The following NRXN1 variants were observed in gnomAD, a reference collection of about 807,000 sequenced individuals.
NRXN1 encodes neurexin-1.
Under a neutral mutation model 150.9 loss-of-function variants are expected in NRXN1, and 39 were observed. That is an observed-to-expected ratio of 0.26 (90% CI 0.20 to 0.34). NRXN1 has a LOEUF of 0.34. NRXN1 is among the 10% of genes least tolerant of loss of function. The pLI, the probability that NRXN1 is intolerant of heterozygous loss-of-function variation, is 1.00. For synonymous variants in NRXN1, 924 were observed against 757.0 expected, an observed-to-expected ratio of 1.22 and a Z score of -3.62; for missense variants, 1,815 against 1,949.9, an observed-to-expected ratio of 0.93 and a Z score of 1.30.
intron 22 of NRXN1, among the ~76,000 whole-genome samples, chr2:49,937,467 G>A (rs766020673): frequency 6.6e-6 from 1 of 152,182 alleles, no homozygotes; most frequent in Non-Finnish European, 1.5e-5. Flanking sequence ...AATGATGTGT[G>A]ATAAATCTCT....
chr2:50,102,742 G>A (rs951116509), intron 18 of NRXN1, among the ~76,000 whole-genome samples: 1 of 151,984 alleles, frequency 6.6e-6, no homozygotes, highest in Non-Finnish European at 1.5e-5. Flanking sequence ...GCATTTTCCA[G>A]GCAGAGAAAA....
At chr2:50,884,250 T>C (rs985120210) in intron 5 of NRXN1, among the ~76,000 whole-genome samples, 1 of 151,832 alleles carries the variant, frequency 6.6e-6, no homozygotes, top group East Asian at 1.9e-4. Flanking sequence ...GGACATATTG[T>C]TTGGTAAATG....
intron 18 of NRXN1, among the ~76,000 whole-genome samples, chr2:50,200,528 A>AGAT: frequency 6.6e-6 from 1 of 152,292 alleles, no homozygotes; most frequent in South Asian, 2.1e-4. Context: ...ACAAGGCTGC[A>AGAT]GATAGCGACA....
At chr2:50,722,527 G>C (rs1696806505) in intron 5 of NRXN1, among the ~76,000 whole-genome samples, 1 of 152,022 alleles carries the variant, frequency 6.6e-6, no homozygotes, top group Non-Finnish European at 1.5e-5. Context: ...TAGACAAGCA[G>C]GCTGTAAAAT....
intron 17 of NRXN1, among the ~76,000 whole-genome samples, chr2:50,293,422 T>A (rs1392234969): frequency 1.3e-5 from 2 of 152,150 alleles, no homozygotes; most frequent in Admixed American, 6.5e-5. Flanking sequence ...ACCCTGTCCA[T>A]GATAGACTAC....
intron 5 of NRXN1, among the ~76,000 whole-genome samples, chr2:50,776,549 CTT>C (rs1324003837): frequency 6.6e-6 from 1 of 151,352 alleles, no homozygotes; most frequent in Non-Finnish European, 1.5e-5. Context: ...AATTGAAACA[CTT>C]TAACAAAATC....
intron 5 of NRXN1, chr2:50,918,793 A>G (rs1278300462): frequency 7.2e-6 from 2 of 278,798 alleles, no homozygotes; most frequent in Non-Finnish European, 1.3e-5. Context: ...GAATAAAATT[A>G]GCATTATCAA....
At chr2:50,219,982 A>G (rs1260497469) in intron 18 of NRXN1, among the ~76,000 whole-genome samples, 3 of 48,918 alleles carry the variant, frequency 6.1e-5, no homozygotes, top group African/African-American at 2.0e-4. Context: ...TATAATATAT[A>G]TATTATATAT....
intron 18 of NRXN1, among the ~76,000 whole-genome samples, chr2:50,163,231 T>C (rs1355553937): frequency 6.6e-6 from 1 of 150,670 alleles, no homozygotes; most frequent in Non-Finnish European, 1.5e-5. Context: ...GAAACTAACA[T>C]GAATTTCCAA....
At chr2:50,739,181 A>G in intron 5 of NRXN1, 1 of 393,170 alleles carries the variant, frequency 2.5e-6, no homozygotes, top group Non-Finnish European at 5.2e-6. Flanking sequence ...ACAAATCCTT[A>G]TGATTATGGA....
chr2:50,818,992 T>C (rs1046690600), intron 5 of NRXN1, among the ~76,000 whole-genome samples: 1 of 152,094 alleles, frequency 6.6e-6, no homozygotes, highest in Admixed American at 6.6e-5. Flanking sequence ...AACCGACACC[T>C]GTTACGATGG....
At chr2:50,830,029 A>AAAAAAAAAAC in intron 5 of NRXN1, among the ~76,000 whole-genome samples, 1 of 128,560 alleles carries the variant, frequency 7.8e-6, no homozygotes, top group African/African-American at 2.8e-5. Flanking sequence ...AAAAAAAAAA[A>AAAAAAAAAAC]AGCTCATTTC....
At chr2:50,905,912 C>T (rs756290772) in intron 5 of NRXN1, among the ~76,000 whole-genome samples, 5 of 151,982 alleles carry the variant, frequency 3.3e-5, no homozygotes, top group Non-Finnish European at 5.9e-5. Flanking sequence ...AATAACTTCC[C>T]CAATATTGCT....
chr2:50,514,386 G>C lies in NRXN1; in HGVS notation c.2375-7769C>G, dbSNP rs554974656. On this transcript the variant is annotated intron_variant, in intron 12 of 22. Coordinates refer to ENST00000401669, the MANE Select transcript of NRXN1 (RefSeq NM_001330078.2). ...ATTTTAAAACTGAATGGTCCATATT[G>C]TGTCTGTTGTTTATCCCATTTAGCT... Among the ~76,000 whole-genome samples the C allele has an allele frequency of 2.6e-5, 4 of 152,244 alleles. No individual in the cohort carries two copies. The East Asian group carries it at 5.8e-4, about 22-fold the overall frequency.
intron 17 of NRXN1, among the ~76,000 whole-genome samples, chr2:50,358,212 C>T (rs1483207442): frequency 1.3e-5 from 2 of 152,132 alleles, no homozygotes; most frequent in South Asian, 2.1e-4. Flanking sequence ...AGTAGTGCCT[C>T]GAACGTCAGC....
chr2:50,665,767 G>C (rs1687936280), intron 5 of NRXN1, among the ~76,000 whole-genome samples: 1 of 151,870 alleles, frequency 6.6e-6, no homozygotes, highest in Admixed American at 6.6e-5. Context: ...TGTTTGGATG[G>C]ATCATATAAT....
intron 18 of NRXN1, among the ~76,000 whole-genome samples, chr2:50,117,016 A>G (rs1179335058): frequency 6.6e-6 from 1 of 152,122 alleles, no homozygotes; most frequent in African/African-American, 2.4e-5. Flanking sequence ...TACAAAAATA[A>G]CAGAAAATTG....
chr2:50,817,568 G>C (rs1262377977), intron 5 of NRXN1, among the ~76,000 whole-genome samples: 1 of 151,940 alleles, frequency 6.6e-6, no homozygotes, highest in Non-Finnish European at 1.5e-5. Flanking sequence ...GAAAACAACA[G>C]GCCAATATCC....
rs371677919 is a variant in NRXN1, at chr2:50,532,246, C to G, written c.2144-816G>C. 2.0e-5 allele frequency among the ~76,000 whole-genome samples: 3 copies of G among 152,020 alleles called. No homozygotes were observed. In the South Asian group the frequency reaches 6.2e-4, roughly 32 times the overall value. On this transcript the variant is annotated intron_variant, in intron 10 of 22. Coordinates refer to ENST00000401669, the MANE Select transcript of NRXN1 (RefSeq NM_001330078.2). ...CATCTGCACAATGAGAGGGTACTGC[C>G]AGAAGGTTTCTCAGGGCTTTGATCT...
Sources: allele counts gnomAD v4.1 joint callset (sites outside exome capture counted in the v4.1 genomes callset), GRCh38; gene constraint gnomAD v4.1.1; transcripts MANE v1.5; gene names NCBI Gene and HGNC (gene_info 2026-07-23, HGNC 2026-07-21).